Variants in MAP4K5 observed in about 807,000 individuals in gnomAD.
MAP4K5 encodes the protein mitogen-activated protein kinase kinase kinase kinase 5.
In MAP4K5, 82 loss-of-function variants were observed where a neutral mutation model predicts 135.6. The observed-to-expected ratio is 0.60, with a 90% CI of 0.51 to 0.73. MAP4K5 has a LOEUF of 0.73. Ranked by LOEUF, MAP4K5 falls within the 30% of genes least tolerant of loss-of-function variation. The pLI is 0.00. For synonymous variants in MAP4K5, 347 were observed against 335.0 expected (o/e 1.04, Z -0.39); for missense variants, 907 against 1,010.9 (o/e 0.90, Z 1.39).
chr14:50,486,096 T>TC lies in MAP4K5; in HGVS notation c.257+7dup, dbSNP rs1491049023. The stretch of plus-strand genomic sequence containing the variant: ...TACAGAGAGAGATGATGCTTTTTTT[T>TC]CTCTTACCTAAGATAACTCCCAAAG... On this transcript the variant is annotated splice_region_variant and intron_variant, in intron 4 of 32. Transcript: ENST00000682126. The TC allele has an allele frequency of 2.7e-6, 3 of 1,107,952 alleles. No homozygotes were observed. Among genetic ancestry groups the TC allele is most frequent in the South Asian group, 2.9e-5 (2 of 68,470 alleles). The allele number at this position is 1,107,952 out of a possible 1,614,324, so 68.6% of individuals were successfully genotyped here.
intron 2 of MAP4K5, among the ~76,000 whole-genome samples, chr14:50,514,014 C>A (rs187737676): frequency 9.8e-5 from 15 of 152,316 alleles, no homozygotes; most frequent in African/African-American, 3.1e-4. Flanking sequence ...TCAACTATGT[C>A]ATAGGCTGTA....
chr14:50,476,000 C>T, intron 8 of MAP4K5, 128 bp downstream of exon 8: 2 of 501,066 alleles, frequency 4.0e-6, no homozygotes, highest in South Asian at 7.5e-5. Context: ...AAAAGTTAAA[C>T]ATTACTGCGA....
In MAP4K5 at chr14:50,421,078, G is replaced by A. The variant is rs538474911; in HGVS notation, c.2454-972C>T. ...ATTAGCATGTTATTACTTTAATAATGAAAACATTTTTTAAAAATCATAGAT... is the reference window on the plus strand; with the variant it reads ...ATTAGCATGTTATTACTTTAATAATAAAAACATTTTTTAAAAATCATAGAT... On this transcript the variant is annotated intron_variant, in intron 32 of 32. Coordinates refer to ENST00000682126, the MANE Select transcript of MAP4K5 (RefSeq NM_006575.6). Among the ~76,000 whole-genome samples the A allele has an allele frequency of 1.4e-4, 21 of 152,016 alleles. 1 individual carries two copies. The highest frequency in any genetic ancestry group is 1.0e-3 in the South Asian group (5 of 4,820).
chr14:50,467,882 T>C (rs1393913875), intron 10 of MAP4K5, among the ~76,000 whole-genome samples: 2 of 152,128 alleles, frequency 1.3e-5, no homozygotes, highest in African/African-American at 2.4e-5. Context: ...TTGTAGTCTT[T>C]GAATGATTTC....
chr14:50,533,495 G>A (rs1220110581), upstream of MAP4K5: 1 of 152,106 alleles, frequency 6.6e-6, no homozygotes, highest in Non-Finnish European at 1.5e-5. Context: ...ACAGGAGTTC[G>A]GGGAAGTAAT....
intron 14 of MAP4K5, among the ~76,000 whole-genome samples, chr14:50,454,720 T>C (rs576679172): frequency 1.3e-4 from 20 of 152,184 alleles, no homozygotes; most frequent in Admixed American, 5.2e-4. Flanking sequence ...GAAGCCTATT[T>C]TGATTAAGAA....
At chr14:50,473,999 C>G (rs904305268) in intron 9 of MAP4K5, among the ~76,000 whole-genome samples, 3 of 152,150 alleles carry the variant, frequency 2.0e-5, no homozygotes, top group Admixed American at 1.3e-4. Flanking sequence ...GCTGGGATTA[C>G]AGGTGTGAAC....
intron 1 of MAP4K5, among the ~76,000 whole-genome samples, chr14:50,555,523 A>G (rs776353179): frequency 2.0e-5 from 3 of 152,138 alleles, no homozygotes; most frequent in African/African-American, 4.8e-5. Flanking sequence ...AGCTCAGGCA[A>G]TCTGCCCGCC....
chr14:50,467,203 T>C (rs2036851770), intron 10 of MAP4K5, among the ~76,000 whole-genome samples: 2 of 152,116 alleles, frequency 1.3e-5, no homozygotes, highest in Admixed American at 1.3e-4. Context: ...TTGTGGGCTA[T>C]GGGGGTAGTA....
intron 1 of MAP4K5, among the ~76,000 whole-genome samples, chr14:50,548,065 CAG>C (rs1491296691): frequency 1.3e-5 from 2 of 152,102 alleles, no homozygotes; most frequent in African/African-American, 4.8e-5. Flanking sequence ...GCCTAAAGAA[CAG>C]GGGATGGGAA....
chr14:50,419,699 G>A lies in MAP4K5; in HGVS notation c.*320C>T, dbSNP rs1337742163. 8 of 230,182 alleles carry A rather than the reference G, an allele frequency of 3.5e-5. No homozygotes were observed. Among genetic ancestry groups the A allele is most frequent in the East Asian group, 2.5e-4 (3 of 11,908 alleles). 14.3% of individuals were successfully genotyped at this position (230,182 alleles called of 1,614,324 possible). On this transcript the variant is annotated 3_prime_UTR_variant, in exon 33 of 33. Coordinates refer to ENST00000682126, the MANE Select transcript of MAP4K5 (RefSeq NM_006575.6). ...AATTTACCTCTCTTAAGATAATCAC[G>A]AGTTATCTAAAAATACCATGGCACC...
chr14:50,439,252 C>A (rs1347995414), intron 23 of MAP4K5, among the ~76,000 whole-genome samples: 1 of 147,908 alleles, frequency 6.8e-6, no homozygotes, highest in African/African-American at 2.5e-5. Context: ...ACTCTACTAC[C>A]AAAATGAAAG....
chr14:50,459,695 TTC>T (rs200434430), intron 13 of MAP4K5, among the ~76,000 whole-genome samples: 22 of 142,244 alleles, frequency 1.5e-4, no homozygotes, highest in African/African-American at 5.1e-4. Context: ...TTTTCTTTCT[TTC>T]TCTTTTTTTT....
chr14:50,515,015 C>A (rs141654281), intron 2 of MAP4K5, among the ~76,000 whole-genome samples: 8 of 151,814 alleles, frequency 5.3e-5, no homozygotes, highest in Non-Finnish European at 1.0e-4. Flanking sequence ...GTAATTCTCT[C>A]GCTTCAGCCT....
At chr14:50,560,407 A>G in intron 1 of MAP4K5, 1 of 1,429,084 alleles carries the variant, frequency 7.0e-7, no homozygotes, top group Non-Finnish European at 9.6e-7. Context: ...GCCTGCGTCC[A>G]CGGCTGGGAG....
At chr14:50,529,343 C>G (rs1016201688) in intron 2 of MAP4K5, among the ~76,000 whole-genome samples, 2 of 152,108 alleles carry the variant, frequency 1.3e-5, no homozygotes, top group Admixed American at 6.5e-5. Flanking sequence ...ACCAAGATCA[C>G]ACCACTGCCC....
intron 1 of MAP4K5, among the ~76,000 whole-genome samples, chr14:50,550,794 A>G (rs8021584): frequency 0.014 from 2,162 of 152,366 alleles, 42 homozygotes; most frequent in African/African-American, 0.049. Context: ...CTGCTCTTGA[A>G]TGATCTTTGG....
chr14:50,532,795 C>T (rs1488308862), upstream of MAP4K5: 1 of 152,726 alleles, frequency 6.5e-6, no homozygotes, highest in Non-Finnish European at 1.5e-5. Flanking sequence ...CTGTCTCCCT[C>T]CCACTCTCAG....
intron 2 of MAP4K5, among the ~76,000 whole-genome samples, chr14:50,508,991 T>C (rs1008717842): frequency 2.0e-5 from 3 of 152,108 alleles, no homozygotes; most frequent in Non-Finnish European, 2.9e-5. Context: ...CAAATGTCCA[T>C]CAATGATAGA....
Sources: gnomAD v4.1 joint callset for allele counts (sites outside exome capture counted in the v4.1 genomes callset) on GRCh38, gnomAD v4.1.1 for gene constraint, MANE v1.5 for transcripts, NCBI Gene and HGNC (gene_info 2026-07-23, HGNC 2026-07-21) for gene names.